IDUA: variants seen among roughly 807,000 people sequenced by gnomAD.
IDUA encodes the protein alpha-L-iduronidase, also known as iduronidase alpha-L-.
Under a neutral mutation model 68.9 loss-of-function variants are expected in IDUA, and 65 were observed. The ratio of observed to expected loss-of-function variants is 0.94; its 90% CI spans 0.77 to 1.16. IDUA has a LOEUF of 1.16. Ranked by LOEUF, IDUA falls within the 50% of genes most tolerant of loss-of-function variation. IDUA has a pLI of 0.00. For missense variants in IDUA, 1,046 were observed against 938.0 expected, an observed-to-expected ratio of 1.12 and a Z score of -1.50; for synonymous variants, 529 against 433.6, an observed-to-expected ratio of 1.22 and a Z score of -2.73.
chr4:989,197 C>T, intron 2 of IDUA: 4 of 1,607,848 alleles, frequency 2.5e-6, no homozygotes, highest in Non-Finnish European at 3.4e-6. Flanking sequence ...CTCACCGACC[C>T]CCGTCTCTGA....
In IDUA at chr4:1,000,761, C is replaced by T; in HGVS notation, c.385+64C>T. ...CCCTTGCCCTGCCCACCCTCTCCCT[C>T]ACCCAGCCCCTCTGAGTCCTTGGAT... On this transcript the variant is annotated intron_variant, in intron 3 of 13. Transcript: ENST00000514224. The T allele has an allele frequency of 8.1e-6, 12 of 1,474,414 alleles. No homozygotes were observed. The Admixed American group carries it at 1.7e-4, about 21-fold the overall frequency. 91.3% of individuals were successfully genotyped at this position (1,474,414 alleles called of 1,614,324 possible).
chr4:988,332 T>C, intron 2 of IDUA: 1 of 1,093,432 alleles, frequency 9.1e-7, no homozygotes. Context: ...GTGGCCACCC[T>C]GTGAGGGGGA....
At chr4:999,253 A>G (rs1273363888) in intron 2 of IDUA, among the ~76,000 whole-genome samples, 1 of 151,672 alleles carries the variant, frequency 6.6e-6, no homozygotes, top group Non-Finnish European at 1.5e-5. Context: ...TGCTCAGCTC[A>G]GAACCTTGAA....
chr4:997,272 G>A (rs926407344), intron 2 of IDUA, among the ~76,000 whole-genome samples: 1 of 151,716 alleles, frequency 6.6e-6, no homozygotes, highest in Non-Finnish European at 1.5e-5. Context: ...GTTCTCCCAA[G>A]AGGCGGGTCT....
intron 2 of IDUA, among the ~76,000 whole-genome samples, chr4:994,065 A>G (rs1200271315): frequency 6.6e-6 from 1 of 152,184 alleles, no homozygotes; most frequent in Non-Finnish European, 1.5e-5. Flanking sequence ...CCTGCCTCAT[A>G]GGGCTGGGGT....
At chr4:988,171 G>A in intron 2 of IDUA, 3 of 1,390,092 alleles carry the variant, frequency 2.2e-6, no homozygotes, top group Non-Finnish European at 1.9e-6. Flanking sequence ...CTCCCTGCAG[G>A]CTCAGGGTTG....
intron 2 of IDUA, among the ~76,000 whole-genome samples, chr4:993,631 C>CGG (rs141928229): frequency 2.0e-4 from 30 of 152,220 alleles, no homozygotes; most frequent in East Asian, 5.8e-4. Flanking sequence ...GCGGCCCTGC[C>CGG]GGGGGGGCTT....
At chr4:994,389 C>T (rs1195881894) in intron 2 of IDUA, among the ~76,000 whole-genome samples, 1 of 151,950 alleles carries the variant, frequency 6.6e-6, no homozygotes, top group Non-Finnish European at 1.5e-5. Context: ...CATTCTCCTG[C>T]CTCAGCCTCC....
rs963110682 is a variant in IDUA, at chr4:989,985, G to A, written c.299+2036G>A. ...AACCCGTGGGGATGTCGCCAGCCAC[G>A]CTCGAGCCAAAGCGCTTGTGGAGCT... On this transcript the variant is annotated intron_variant, in intron 2 of 13. Coordinates refer to ENST00000514224, the MANE Select transcript of IDUA (RefSeq NM_000203.5). 5.8e-6 allele frequency: 9 copies of A among 1,560,266 alleles called. No individual in the cohort carries two copies. Among genetic ancestry groups the A allele is most frequent in the Non-Finnish European group, 6.9e-6 (8 of 1,154,268 alleles).
chr4:999,799 C>G (rs1312177502), intron 2 of IDUA: 1 of 26,018 alleles, frequency 3.8e-5, no homozygotes, highest in Admixed American at 2.7e-4. Flanking sequence ...GGAATTCAGC[C>G]CATCTGCAAG....
intron 2 of IDUA, among the ~76,000 whole-genome samples, chr4:1,000,405 TG>T (rs142931653): frequency 1.3e-5 from 2 of 152,308 alleles, no homozygotes; most frequent in South Asian, 4.1e-4. Context: ...GGTGTAGGGT[TG>T]GGGGGTCTCC....
At chr4:991,971 C>T in intron 2 of IDUA, 1 of 753,732 alleles carries the variant, frequency 1.3e-6, no homozygotes, top group Non-Finnish European at 2.3e-6. Context: ...CAAGCCCATG[C>T]CATGGGGTGT....
intron 2 of IDUA, chr4:988,302 G>T: frequency 8.9e-7 from 1 of 1,124,012 alleles, no homozygotes; most frequent in Non-Finnish European, 1.1e-6. Flanking sequence ...ACAGCACCCT[G>T]GGCCCTGACG....
chr4:1,002,718 C>T lies in IDUA; in HGVS notation c.1190-14C>T, dbSNP rs1715173905. The T allele has an allele frequency of 6.9e-7, 1 of 1,443,530 alleles. No individual in the cohort carries two copies. The highest frequency in any genetic ancestry group is 2.2e-5 in the Admixed American group (1 of 45,610). 89.4% of individuals were successfully genotyped at this position (1,443,530 alleles called of 1,614,324 possible). A position where few individuals can be genotyped will look rare whatever the true frequency, so the allele number is the denominator to read the frequency against. On this transcript the variant is annotated splice_polypyrimidine_tract_variant and intron_variant, in intron 8 of 13. Coordinates refer to ENST00000514224, the MANE Select transcript of IDUA (RefSeq NM_000203.5). Reference sequence around the variant, plus strand: ...AACGACCCCACGCGGCGACGGCCCCCCCCCGCCCCGCAGATGAGGAGCAGC... The same window carrying T: ...AACGACCCCACGCGGCGACGGCCCCTCCCCGCCCCGCAGATGAGGAGCAGC...
In IDUA at chr4:988,960, C is replaced by T. The variant is rs776965512; in HGVS notation, c.299+1011C>T. The stretch of plus-strand genomic sequence containing the variant: ...CCCGGGGCCCTCCCCGAGGAAGCCT[C>T]CTCTGCTCAGAATGTCTCTCACAGG... On this transcript the variant is annotated intron_variant, in intron 2 of 13. Coordinates refer to ENST00000514224, the MANE Select transcript of IDUA (RefSeq NM_000203.5). 1.9e-6 allele frequency: 3 copies of T among 1,596,502 alleles called. No individual in the cohort carries two copies. The South Asian group carries it at 3.4e-5, about 18-fold the overall frequency.
At chr4:999,071 G>A (rs916885261) in intron 2 of IDUA, among the ~76,000 whole-genome samples, 8 of 152,108 alleles carry the variant, frequency 5.3e-5, no homozygotes, top group Non-Finnish European at 1.2e-4. Context: ...CGGGCGTGGT[G>A]GCGGGCGCCT....
At chr4:991,901 A>G in intron 2 of IDUA, 1 of 1,184,888 alleles carries the variant, frequency 8.4e-7, no homozygotes, top group Non-Finnish European at 1.2e-6. Flanking sequence ...CCCGGTATGG[A>G]TGGACGCTGG....
At position 1,000,999 on chromosome 4, in the gene IDUA, C is replaced by T. The variant is rs200000194; in HGVS notation, c.493+10C>T. On this transcript the variant is annotated intron_variant, in intron 4 of 13. Coordinates refer to ENST00000514224, the MANE Select transcript of IDUA (RefSeq NM_000203.5). ...GCCAGGAGATACATCGGTGGGCGAG[C>T]GCAGGCCCTGGGGCCCTGGCCGGGG... The T allele has an allele frequency of 3.0e-4, 475 of 1,595,202 alleles. 1 individual carries two copies. The African/African-American group carries it at 4.8e-3, about 16-fold the overall frequency.
rs769676234 is a variant in IDUA at position 987,887 on chromosome 4, C to T, written c.237C>T (p.Ala79=). 1.7e-5 allele frequency: 27 copies of T among 1,610,712 alleles called. No individual in the cohort carries two copies. The highest frequency in any genetic ancestry group is 3.3e-5 in the South Asian group (3 of 90,702). The change falls in exon 2 of 14, where the codon GCC becomes GCT. Residue 79 remains alanine (A), a synonymous_variant. Transcript: ENST00000514224. ...DQQLNLAYVG[A]VPHRGIKQVR... Reference sequence around the variant, plus strand: ...AGCTCAACCTCGCCTATGTGGGCGCCGTCCCTCACCGCGGCATCAAGCAGG... The same window carrying T: ...AGCTCAACCTCGCCTATGTGGGCGCTGTCCCTCACCGCGGCATCAAGCAGG...
Sources: allele counts gnomAD v4.1 joint callset (sites outside exome capture counted in the v4.1 genomes callset), GRCh38; gene constraint gnomAD v4.1.1; transcripts MANE v1.5; gene names NCBI Gene and HGNC (gene_info 2026-07-23, HGNC 2026-07-21).